M1AP: variants seen among roughly 807,000 people sequenced by gnomAD.
M1AP encodes the protein meiosis 1 arrest protein.
In M1AP, 39 loss-of-function variants were observed where a neutral mutation model predicts 51.2. That is an observed-to-expected ratio of 0.76 (90% CI 0.59 to 1.00). The LOEUF (loss-of-function observed/expected upper bound fraction) is 1.00, where lower values mean the gene tolerates loss of function less well. M1AP is among the 50% of genes least tolerant of loss of function. The pLI is 0.00. For synonymous variants in M1AP, 251 were observed against 249.2 expected, an observed-to-expected ratio of 1.01 and a Z score of -0.07; for missense variants, 545 against 641.2, an observed-to-expected ratio of 0.85 and a Z score of 1.62.
chr2:74,611,882 GTTTTTTT>G (rs1188013311), intron 3 of M1AP, among the ~76,000 whole-genome samples: 18 of 42,940 alleles, frequency 4.2e-4, no homozygotes, highest in African/African-American at 1.8e-3. Context: ...ACAAAAAAGT[GTTTTTTT>G]TTTTTTTTTT....
intron 3 of M1AP, among the ~76,000 whole-genome samples, chr2:74,609,468 A>G (rs976869336): frequency 1.3e-5 from 2 of 152,248 alleles, no homozygotes; most frequent in Non-Finnish European, 2.9e-5. Context: ...ATTGATAGAC[A>G]CTCAGGTTGA....
At chr2:74,599,331 C>A (rs542136791) in intron 4 of M1AP, among the ~76,000 whole-genome samples, 8 of 151,640 alleles carry the variant, frequency 5.3e-5, no homozygotes, top group Non-Finnish European at 8.8e-5. Context: ...ATGCTTCTTC[C>A]TCTTCCCCAA....
intron 4 of M1AP, among the ~76,000 whole-genome samples, chr2:74,604,916 GA>G (rs1680880984): frequency 6.6e-6 from 1 of 152,092 alleles, no homozygotes; most frequent in Non-Finnish European, 1.5e-5. Context: ...GATAATTCAA[GA>G]ATAAAAGTCT....
chr2:74,582,906 A>G (rs2104595037), intron 4 of M1AP, among the ~76,000 whole-genome samples: 1 of 152,296 alleles, frequency 6.6e-6, no homozygotes, highest in African/African-American at 2.4e-5. Context: ...CTGTAATTCC[A>G]GCTACGTGGA....
intron 5 of M1AP, among the ~76,000 whole-genome samples, chr2:74,581,280 C>T (rs894665392): frequency 4.6e-5 from 7 of 152,150 alleles, no homozygotes; most frequent in East Asian, 1.9e-4. Flanking sequence ...CTCTTCCTCT[C>T]GCCACAGGCT....
chr2:74,641,467 G>A (rs1683293564), intron 1 of M1AP, among the ~76,000 whole-genome samples: 1 of 152,082 alleles, frequency 6.6e-6, no homozygotes, highest in African/African-American at 2.4e-5. Context: ...TTGATAAAGT[G>A]GACAAATTCC....
intron 1 of M1AP, among the ~76,000 whole-genome samples, chr2:74,644,240 T>C (rs1683467513): frequency 6.6e-6 from 1 of 152,174 alleles, no homozygotes; most frequent in African/African-American, 2.4e-5. Context: ...TTAAAAATGA[T>C]CTAAGAATAC....
chr2:74,594,751 C>A (rs932232325), intron 4 of M1AP, among the ~76,000 whole-genome samples: 1 of 152,004 alleles, frequency 6.6e-6, no homozygotes, highest in African/African-American at 2.4e-5. Context: ...GTAGCACGAG[C>A]CTGTGGTCCC....
chr2:74,619,647 C>CT lies in M1AP; in HGVS notation c.241-4499dup, dbSNP rs1294429017. Among the ~76,000 whole-genome samples the CT allele has an allele frequency of 3.9e-5, 6 of 152,222 alleles. No individual in the cohort carries two copies. The East Asian group carries it at 1.2e-3, about 29-fold the overall frequency. On this transcript the variant is annotated intron_variant, in intron 2 of 10. Transcript: ENST00000421985. The stretch of plus-strand genomic sequence containing the variant: ...AACTCAAATGACATGTTAAATGTGA[C>CT]TTTTTTAAAGGTATAAGAGACACAA...
At chr2:74,619,698 G>A (rs1434391151) in intron 2 of M1AP, among the ~76,000 whole-genome samples, 1 of 152,114 alleles carries the variant, frequency 6.6e-6, no homozygotes, top group Non-Finnish European at 1.5e-5. Context: ...ATCATTCACC[G>A]TTAACTAATC....
chr2:74,597,623 G>A (rs536762267), intron 4 of M1AP, among the ~76,000 whole-genome samples: 6 of 152,220 alleles, frequency 3.9e-5, no homozygotes, highest in Admixed American at 2.0e-4. Flanking sequence ...CCCTGGCAAA[G>A]TCTAGGAGGA....
At chr2:74,631,632 ATAAGT>A (rs1682713085) in intron 2 of M1AP, among the ~76,000 whole-genome samples, 6 of 152,170 alleles carry the variant, frequency 3.9e-5, no homozygotes, top group Admixed American at 3.9e-4. Context: ...TATGATTTAA[ATAAGT>A]TTTTTATTAT....
At chr2:74,580,211 G>A (rs1679318633) in intron 5 of M1AP, among the ~76,000 whole-genome samples, 1 of 152,214 alleles carries the variant, frequency 6.6e-6, no homozygotes, top group Admixed American at 6.5e-5. Flanking sequence ...AGTGTTATGT[G>A]AAGATAAAAT....
In M1AP at chr2:74,641,276, C is replaced by A. The variant is rs1347437336; in HGVS notation, c.-52-949G>T. On this transcript the variant is annotated intron_variant, in intron 1 of 10. Transcript: ENST00000421985. ...TTTGCTCATGCTGCTTCTCTGCCTCCAATACTCCTGCCTTCTTTCTCTACT... is the reference window on the plus strand; with the variant it reads ...TTTGCTCATGCTGCTTCTCTGCCTCAAATACTCCTGCCTTCTTTCTCTACT... Among the ~76,000 whole-genome samples the A allele has an allele frequency of 2.0e-5, 3 of 152,298 alleles. No individual in the cohort carries two copies. In the East Asian group the frequency reaches 5.8e-4, roughly 29 times the overall value.
intron 4 of M1AP, among the ~76,000 whole-genome samples, chr2:74,586,102 A>G (rs374238332): frequency 6.6e-6 from 1 of 152,210 alleles, no homozygotes; most frequent in Non-Finnish European, 1.5e-5. Flanking sequence ...ATCCTTGAAG[A>G]CCGAGTTCAA....
intron 2 of M1AP, chr2:74,620,949 C>CT (rs1681976919): frequency 5.9e-6 from 1 of 169,554 alleles, no homozygotes; most frequent in Admixed American, 5.9e-5. Flanking sequence ...CTTGAGGGCT[C>CT]TAGGAGTCAG....
At chr2:74,562,517 G>A (rs1678094375) in intron 7 of M1AP, 94 bp from the exon 8 acceptor site, 1 of 1,397,664 alleles carries the variant, frequency 7.2e-7, no homozygotes, top group Non-Finnish European at 9.8e-7. Context: ...ACTTCCAGGG[G>A]TGCTGAGGAG....
At chr2:74,624,220 A>G (rs1682245271) in intron 2 of M1AP, among the ~76,000 whole-genome samples, 1 of 152,252 alleles carries the variant, frequency 6.6e-6, no homozygotes, top group Non-Finnish European at 1.5e-5. Flanking sequence ...GCTGTGGCAC[A>G]TTCTAGTTGG....
chr2:74,560,172 C>T lies in M1AP; in HGVS notation c.1401G>A (p.Trp467Ter). ...AKPQGRLHPH[W>*]ESRAPRKHPC... is the part of the protein sequence containing the mutation. ...GTACCTTTCTCGGAGCTCGGCTCTC[C>T]CAGTGTGGGTGGAGCCGCCCCTGAG... is the stretch of plus-strand genomic sequence containing the variant. Residue 467 changes from tryptophan (W) to a stop codon, truncating the protein, a stop_gained, in exon 9 of 11, where the codon TGG (tryptophan) becomes TGA (stop). Coordinates refer to ENST00000421985, the MANE Select transcript of M1AP (RefSeq NM_001321739.2). LOFTEE classifies it low-confidence loss of function (END_TRUNC). 1 of 1,613,792 alleles carries T rather than the reference C, an allele frequency of 6.2e-7. No individual in the cohort carries two copies. Among genetic ancestry groups the T allele is most frequent in the Non-Finnish European group, 8.5e-7 (1 of 1,179,940 alleles).
Sources: gnomAD v4.1 joint callset for allele counts (sites outside exome capture counted in the v4.1 genomes callset) on GRCh38, gnomAD v4.1.1 for gene constraint, MANE v1.5 for transcripts, NCBI Gene and HGNC (gene_info 2026-07-23, HGNC 2026-07-21) for gene names.